The following NTRK2 variants were observed in gnomAD, a reference collection of about 807,000 sequenced individuals.
The protein encoded by NTRK2 is BDNF/NT-3 growth factors receptor.
NTRK2 carries 13 observed loss-of-function variants against 94.5 expected under a neutral mutation model. That is an observed-to-expected ratio of 0.14 (90% CI 0.09 to 0.22). NTRK2 has a LOEUF of 0.22. Among genes scored for constraint, NTRK2 ranks in the 10% least tolerant of loss-of-function variants. The probability of loss-of-function intolerance (pLI) is 1.00; values close to 1 mark genes in which losing one functional copy is unlikely to be tolerated. For missense variants in NTRK2, 639 were observed against 1,071.2 expected, an observed-to-expected ratio of 0.60 and a Z score of 5.63; for synonymous variants, 372 against 407.4, an observed-to-expected ratio of 0.91 and a Z score of 1.05.
intron 12 of NTRK2, chr9:84,813,966 C>CACT: frequency 9.4e-7 from 1 of 1,065,438 alleles, no homozygotes; most frequent in Non-Finnish European, 1.1e-6. Flanking sequence ...TCACATGAGA[C>CACT]ACTGACTCTG....
At chr9:84,693,420 G>A (rs1587988590) in intron 2 of NTRK2, among the ~76,000 whole-genome samples, 1 of 152,066 alleles carries the variant, frequency 6.6e-6, no homozygotes, top group Non-Finnish European at 1.5e-5. Flanking sequence ...ATATTGGTGG[G>A]AACAGATAAG....
At chr9:84,891,160 T>C (rs899090073) in intron 14 of NTRK2, among the ~76,000 whole-genome samples, 1 of 152,002 alleles carries the variant, frequency 6.6e-6, no homozygotes, top group African/African-American at 2.4e-5. Context: ...TCGGCTGGAA[T>C]TGTCAGCCAA....
At chr9:84,900,607 G>T (rs1196639285) in intron 14 of NTRK2, among the ~76,000 whole-genome samples, 1 of 152,172 alleles carries the variant, frequency 6.6e-6, no homozygotes, top group Non-Finnish European at 1.5e-5. Flanking sequence ...AGGGACAAAA[G>T]CAGGCTGCAT....
chr9:84,704,298 G>A (rs1268342562), intron 4 of NTRK2, among the ~76,000 whole-genome samples: 8 of 136,698 alleles, frequency 5.9e-5, no homozygotes, highest in South Asian at 2.3e-4. Context: ...GCTCGATCTC[G>A]GCTCACTGCA....
At chr9:84,835,564 G>C (rs2073824170) in intron 12 of NTRK2, among the ~76,000 whole-genome samples, 1 of 151,638 alleles carries the variant, frequency 6.6e-6, no homozygotes, top group Admixed American at 6.6e-5. Context: ...CAACAAAAAT[G>C]CACAAAACTC....
intron 12 of NTRK2, among the ~76,000 whole-genome samples, chr9:84,763,774 G>A (rs2065801348): frequency 1.3e-5 from 2 of 151,834 alleles, no homozygotes; most frequent in African/African-American, 2.4e-5. Context: ...ATTTAAAAAT[G>A]CCTTTTATAG....
At chr9:84,810,420 T>G in intron 12 of NTRK2, 1 of 924,488 alleles carries the variant, frequency 1.1e-6, no homozygotes, top group Non-Finnish European at 1.7e-6. Context: ...GTGTATTCCA[T>G]GTTGTGTCTC....
intron 12 of NTRK2, among the ~76,000 whole-genome samples, chr9:84,800,202 T>C (rs1364913693): frequency 1.7e-5 from 1 of 59,044 alleles, no homozygotes; most frequent in Non-Finnish European, 3.7e-5. Flanking sequence ...CAAGATATAG[T>C]TTCTTTCTTT....
At chr9:85,000,800 A>G (rs141491639) in intron 17 of NTRK2, among the ~76,000 whole-genome samples, 243 of 152,296 alleles carry the variant, frequency 1.6e-3, no homozygotes, top group African/African-American at 5.5e-3. Flanking sequence ...ACTGGGTCAT[A>G]TGGTAAGAGA....
intron 14 of NTRK2, among the ~76,000 whole-genome samples, chr9:84,884,737 T>C (rs539159034): frequency 4.1e-4 from 63 of 152,364 alleles, no homozygotes; most frequent in Non-Finnish European, 8.2e-4. Context: ...TTAATAAAAC[T>C]GTTGTCTTCT....
At chr9:84,844,643 CCT>C (rs1292680664) in intron 12 of NTRK2, among the ~76,000 whole-genome samples, 24 of 111,630 alleles carry the variant, frequency 2.1e-4, no homozygotes, top group East Asian at 7.5e-4. Context: ...CAATGTAATA[CCT>C]CACTCACACA....
In NTRK2 at chr9:85,021,635, G is replaced by T; in HGVS notation, c.*198G>T. 7 of 614,966 alleles carry T rather than the reference G, an allele frequency of 1.1e-5. No individual in the cohort carries two copies. Among genetic ancestry groups the T allele is most frequent in the South Asian group, 5.8e-5 (3 of 51,656 alleles). 38.1% of individuals were successfully genotyped at this position (614,966 alleles called of 1,614,324 possible). A position where few individuals can be genotyped will look rare whatever the true frequency, so the allele number is the denominator to read the frequency against. On this transcript the variant is annotated 3_prime_UTR_variant, in exon 19 of 19. Transcript: ENST00000277120. ...TAGACACAGTATTGACTTCTTTTTGGCATTATCTCTTTCTCTCTTTCCATC... is the reference window on the plus strand; with the variant it reads ...TAGACACAGTATTGACTTCTTTTTGTCATTATCTCTTTCTCTCTTTCCATC...
chr9:84,821,727 TC>T (rs1027391364), intron 12 of NTRK2, among the ~76,000 whole-genome samples: 22 of 152,054 alleles, frequency 1.4e-4, no homozygotes, highest in African/African-American at 5.3e-4. Context: ...TGATTTTGTC[TC>T]CTTTTTTTAT....
intron 17 of NTRK2, among the ~76,000 whole-genome samples, chr9:84,997,687 A>G (rs535024687): frequency 1.3e-5 from 2 of 152,278 alleles, no homozygotes; most frequent in East Asian, 3.9e-4. Context: ...CCTGCCATGG[A>G]GGCTGATGAT....
chr9:84,676,266 A>G (rs771689137), intron 2 of NTRK2, among the ~76,000 whole-genome samples: 1 of 152,172 alleles, frequency 6.6e-6, no homozygotes, highest in Non-Finnish European at 1.5e-5. Context: ...TCACGGAGAT[A>G]AGGAAGTGTA....
chr9:84,769,804 T>C (rs1364157806), intron 12 of NTRK2, among the ~76,000 whole-genome samples: 2 of 152,170 alleles, frequency 1.3e-5, no homozygotes, highest in African/African-American at 2.4e-5. Context: ...ACCTTCAAAA[T>C]TGAATTTTAT....
At chr9:84,893,773 TG>T (rs2076666309) in intron 14 of NTRK2, among the ~76,000 whole-genome samples, 1 of 152,194 alleles carries the variant, frequency 6.6e-6, no homozygotes, top group South Asian at 2.1e-4. Context: ...TGAAGCTTCT[TG>T]GCCAACGAGG....
chr9:84,893,539 G>A (rs1352698323), intron 14 of NTRK2, among the ~76,000 whole-genome samples: 2 of 152,082 alleles, frequency 1.3e-5, no homozygotes, highest in Admixed American at 1.3e-4. Flanking sequence ...AGATGTGGAC[G>A]TGCAGGGCAG....
intron 14 of NTRK2, among the ~76,000 whole-genome samples, chr9:84,898,172 C>A (rs1234405514): frequency 6.6e-6 from 1 of 151,972 alleles, no homozygotes; most frequent in Admixed American, 6.6e-5. Flanking sequence ...TCATTATAAC[C>A]ACACAGGAGC....
Sources: gnomAD v4.1 joint callset for allele counts (sites outside exome capture counted in the v4.1 genomes callset) on GRCh38, gnomAD v4.1.1 for gene constraint, MANE v1.5 for transcripts, NCBI Gene and HGNC (gene_info 2026-07-23, HGNC 2026-07-21) for gene names.